TTC14: variants seen among roughly 807,000 people sequenced by gnomAD.
TTC14 encodes tetratricopeptide repeat domain 14.
TTC14 carries 63 observed loss-of-function variants against 79.9 expected under a neutral mutation model. That is an observed-to-expected ratio of 0.79 (90% CI 0.64 to 0.97). The LOEUF (loss-of-function observed/expected upper bound fraction) is 0.97. TTC14 is among the 50% of genes least tolerant of loss of function. The pLI is 0.00. For synonymous variants in TTC14, 335 were observed against 309.6 expected, an observed-to-expected ratio of 1.08 and a Z score of -0.86; for missense variants, 895 against 894.0, an observed-to-expected ratio of 1.00 and a Z score of -0.01.
At chr3:180,608,090 A>T (rs981103153) in intron 10 of TTC14, 1 of 1,036,386 alleles carries the variant, frequency 9.6e-7, no homozygotes, top group Admixed American at 5.4e-5. Flanking sequence ...CCTTTTTGAG[A>T]CATATTTTAA....
Position 180,606,553 on chromosome 3 carries a change from C to T in TTC14, c.1122C>T (p.His374=), listed in dbSNP as rs765144101. 6.2e-7 allele frequency: 1 copy of T among 1,613,916 alleles called. No individual in the cohort carries two copies. The highest frequency in any genetic ancestry group is 1.1e-5 in the South Asian group (1 of 91,068). ...TTGCATTAGAAAACTGTCCAACTCACAGAAATGCAAGAAAATACCTCTGCC... is the reference window on the plus strand; with the variant it reads ...TTGCATTAGAAAACTGTCCAACTCATAGAAATGCAAGAAAATACCTCTGCC... ...FELALENCPT[H]RNARKYLCQT... Residue 374 remains histidine (H), a synonymous_variant, in exon 9 of 12, where the codon CAC becomes CAT. Transcript: ENST00000296015.
At chr3:180,602,580 T>A in intron 1 of TTC14, 158 bp downstream of exon 1, 1 of 1,034,536 alleles carries the variant, frequency 9.7e-7, no homozygotes, top group East Asian at 2.6e-5. Flanking sequence ...CGGGGGGCGC[T>A]CCTGGGTTGT....
At chr3:180,613,324 C>T (rs1717099407), downstream of TTC14, among the ~76,000 whole-genome samples, 1 of 152,118 alleles carries the variant, frequency 6.6e-6, no homozygotes, top group Non-Finnish European at 1.5e-5. Context: ...GGATAAGTGT[C>T]CAGATTTGGA....
rs1465550342 is a variant in TTC14 at position 180,610,675 on chromosome 3, TTAAG to T, written c.*139_*142del. ...TAGAGATTACAGGAAACAAATGCTT[TTAAG>T]TAAGTTTTTCTCAAATTTTGTTTCA... On this transcript the variant is annotated 3_prime_UTR_variant, in exon 12 of 12. Transcript: ENST00000296015. 4 of 1,416,910 alleles carry T rather than the reference TTAAG, an allele frequency of 2.8e-6. No individual in the cohort carries two copies. The highest frequency in any genetic ancestry group is 3.2e-5 in the South Asian group (2 of 61,934). 87.8% of individuals were successfully genotyped at this position (1,416,910 alleles called of 1,614,324 possible). A position where few individuals can be genotyped will look rare whatever the true frequency, so the allele number is the denominator to read the frequency against.
At position 180,604,633 on chromosome 3, in the gene TTC14, A is replaced by G. The variant is rs1180963124; in HGVS notation, c.701+26A>G. 8 of 1,583,370 alleles carry G rather than the reference A, an allele frequency of 5.1e-6. No individual in the cohort carries two copies. In the South Asian group the frequency reaches 9.3e-5, roughly 18 times the overall value. ...GTAATTTATCCGTATTATTTCAACA[A>G]CAGTTCATTACAAAAGTCTCTTGGA... On this transcript the variant is annotated intron_variant, in intron 5 of 11. Coordinates refer to ENST00000296015, the MANE Select transcript of TTC14 (RefSeq NM_133462.4).
downstream of TTC14, among the ~76,000 whole-genome samples, chr3:180,612,473 T>C (rs982559641): frequency 6.6e-5 from 10 of 152,034 alleles, no homozygotes; most frequent in Admixed American, 1.3e-4. Context: ...ACCTCAAAAG[T>C]GGAAGCAAGA....
downstream of TTC14, chr3:180,613,966 A>G (rs1472714609): frequency 2.5e-6 from 1 of 394,506 alleles, no homozygotes; most frequent in African/African-American, 2.1e-5. Context: ...AGTTGTAATG[A>G]GCATTTTTTC....
intron 6 of TTC14, 96 bp downstream of exon 6, chr3:180,605,103 C>CACCT: frequency 8.0e-7 from 1 of 1,242,350 alleles, no homozygotes; most frequent in East Asian, 2.4e-5. Context: ...CATCCTAAGC[C>CACCT]ACCTAGTAGC....
At chr3:180,612,189 T>C (rs1324884849), downstream of TTC14, among the ~76,000 whole-genome samples, 1 of 152,238 alleles carries the variant, frequency 6.6e-6, no homozygotes, top group Non-Finnish European at 1.5e-5. Context: ...AAACTACTTC[T>C]TGGCATACAT....
At chr3:180,608,623 G>A in intron 10 of TTC14, 78 bp from the exon 11 acceptor site, 4 of 1,374,698 alleles carry the variant, frequency 2.9e-6, no homozygotes, top group Non-Finnish European at 3.8e-6. Flanking sequence ...CTCGTTGGGG[G>A]TGGTCTTTTG....
chr3:180,612,032 G>A (rs1717013843), downstream of TTC14, among the ~76,000 whole-genome samples: 1 of 152,202 alleles, frequency 6.6e-6, no homozygotes, highest in African/African-American at 2.4e-5. Context: ...AATGGTGATA[G>A]AAATCGGCTA....
downstream of TTC14, among the ~76,000 whole-genome samples, chr3:180,611,753 T>C (rs1291501682): frequency 6.6e-6 from 1 of 152,202 alleles, no homozygotes; most frequent in Non-Finnish European, 1.5e-5. Flanking sequence ...CAATGGACTT[T>C]AGATACTGTC....
intron 4 of TTC14, 34 bp downstream of exon 4, chr3:180,604,343 T>C: frequency 6.3e-7 from 1 of 1,591,720 alleles, no homozygotes; most frequent in South Asian, 1.1e-5. Context: ...AAAAAAGTAA[T>C]GATTGTTGAA....
At chr3:180,602,572 G>A in intron 1 of TTC14, 150 bp downstream of exon 1, 3 of 1,109,418 alleles carry the variant, frequency 2.7e-6, no homozygotes, top group South Asian at 3.3e-5. Flanking sequence ...TGGGTGGACG[G>A]GGGGCGCTCC....
chr3:180,605,793 T>G lies in TTC14; in HGVS notation c.885T>G (p.Ala295=). 2 of 1,569,634 alleles carry G rather than the reference T, an allele frequency of 1.3e-6. No homozygotes were observed. Among genetic ancestry groups the G allele is most frequent in the African/African-American group, 1.4e-5 (1 of 71,124 alleles). The part of the protein sequence containing the change: ...QSKNFSEDDF[A]SALRKKQSAS... ...AAAATTTCTCTGAAGATGATTTTGC[T>G]TCTGCATTGAGAAAAAAACAATCCG... The change falls in exon 7 of 12, where the codon GCT becomes GCG. Residue 295 remains alanine (A), a synonymous_variant. Transcript: ENST00000296015.
At position 180,610,702 on chromosome 3, in the gene TTC14, T is replaced by C. The variant is rs1716956016; in HGVS notation, c.*160T>C. Reference sequence around the variant, plus strand: ...AAGTAAGTTTTTCTCAAATTTTGTTTCAGTTCTAGGTCCCTTGTCACAGCT... The same window carrying C: ...AAGTAAGTTTTTCTCAAATTTTGTTCCAGTTCTAGGTCCCTTGTCACAGCT... On this transcript the variant is annotated 3_prime_UTR_variant, in exon 12 of 12. Coordinates refer to ENST00000296015, the MANE Select transcript of TTC14 (RefSeq NM_133462.4). 2.9e-6 allele frequency: 4 copies of C among 1,374,282 alleles called. No homozygotes were observed. Among genetic ancestry groups the C allele is most frequent in the Non-Finnish European group, 3.7e-6 (4 of 1,067,666 alleles). 85.1% of individuals were successfully genotyped at this position (1,374,282 alleles called of 1,614,324 possible).
At chr3:180,617,391 T>G in exon 13 of TTC14, 1 of 635,138 alleles carries the variant, frequency 1.6e-6, no homozygotes, top group Non-Finnish European at 2.8e-6. Flanking sequence ...GTACTCCTAT[T>G]TATTTAAAAA....
chr3:180,617,574 G>C (rs903950002), exon 13 of TTC14: 24 of 539,022 alleles, frequency 4.5e-5, no homozygotes, highest in Non-Finnish European at 7.3e-5. Context: ...GTAGGCTTAG[G>C]TTTATGTGTG....
At chr3:180,611,336 A>C (rs1277350777), downstream of TTC14, among the ~76,000 whole-genome samples, 1 of 152,250 alleles carries the variant, frequency 6.6e-6, no homozygotes, top group Non-Finnish European at 1.5e-5. Flanking sequence ...TAGCAAAAAC[A>C]TAGCAGTAGC....
Sources: gnomAD v4.1 joint callset for allele counts (sites outside exome capture counted in the v4.1 genomes callset) on GRCh38, gnomAD v4.1.1 for gene constraint, MANE v1.5 for transcripts, NCBI Gene and HGNC (gene_info 2026-07-23, HGNC 2026-07-21) for gene names.